Variants in IGF2BP2 observed in about 807,000 individuals in gnomAD.
IGF2BP2 encodes the protein insulin-like growth factor 2 mRNA-binding protein 2.
Under a neutral mutation model 75.8 loss-of-function variants are expected in IGF2BP2, and 17 were observed. That is an observed-to-expected ratio of 0.22 (90% confidence interval 0.15 to 0.34). The LOEUF (loss-of-function observed/expected upper bound fraction) is 0.34. Ranked by LOEUF, IGF2BP2 falls within the 10% of genes least tolerant of loss-of-function variation. The pLI is 1.00. For synonymous variants in IGF2BP2, 288 were observed against 295.6 expected (o/e 0.97, Z 0.26); for missense variants, 516 against 772.4 (o/e 0.67, Z 3.93).
intron 2 of IGF2BP2, among the ~76,000 whole-genome samples, chr3:185,802,807 A>G (rs1422769646): frequency 6.6e-6 from 1 of 152,214 alleles, no homozygotes; most frequent in Non-Finnish European, 1.5e-5. Flanking sequence ...TTTTCTCAAG[A>G]TGAGAACATC....
chr3:185,790,475 C>T (rs760050606), intron 2 of IGF2BP2, among the ~76,000 whole-genome samples: 2 of 152,188 alleles, frequency 1.3e-5, no homozygotes, highest in Non-Finnish European at 1.5e-5. Flanking sequence ...GTAAATTATA[C>T]TAATCTATGG....
At chr3:185,737,797 C>A (rs114592449) in intron 2 of IGF2BP2, among the ~76,000 whole-genome samples, 1 of 152,152 alleles carries the variant, frequency 6.6e-6, no homozygotes, top group Non-Finnish European at 1.5e-5. Flanking sequence ...ATGGTCATCC[C>A]CAGTTCTTAG....
chr3:185,820,237 C>T (rs540502131), intron 2 of IGF2BP2, among the ~76,000 whole-genome samples: 711 of 36,648 alleles, frequency 0.019, 8 homozygotes, highest in African/African-American at 0.1. Context: ...TATACACATA[C>T]ACACACACAC....
At chr3:185,735,937 TTA>T (rs1560383525) in intron 2 of IGF2BP2, among the ~76,000 whole-genome samples, 1 of 152,124 alleles carries the variant, frequency 6.6e-6, no homozygotes, top group African/African-American at 2.4e-5. Context: ...GAAGATTAGT[TTA>T]TAAACTATAT....
chr3:185,668,508 G>GATATATAT (rs755033940), intron 10 of IGF2BP2, among the ~76,000 whole-genome samples: 193 of 125,746 alleles, frequency 1.5e-3, no homozygotes, highest in African/African-American at 3.7e-3. Context: ...GAGAGAGAGA[G>GATATATAT]ATATATATAT....
chr3:185,647,580 T>C lies in IGF2BP2; in HGVS notation c.1594-442A>G, dbSNP rs890349685. Among the ~76,000 whole-genome samples, 1 of 151,942 alleles carries C rather than the reference T, an allele frequency of 6.6e-6. No homozygotes were observed. Among genetic ancestry groups the C allele is most frequent in the Non-Finnish European group, 1.5e-5 (1 of 67,988 alleles). ...GTTAACTTTCCCTGCGAATCAGCCC[T>C]GCTGTTCCCTCCTCCTCGTTTTCAC... On this transcript the variant is annotated intron_variant, in intron 14 of 15. Coordinates refer to ENST00000382199, the MANE Select transcript of IGF2BP2 (RefSeq NM_006548.6). The surrounding 1 kb of genome is among the most constrained non-coding windows in gnomAD (Gnocchi z 4.9).
intron 2 of IGF2BP2, among the ~76,000 whole-genome samples, chr3:185,778,443 T>C (rs192289004): frequency 6.6e-6 from 1 of 152,334 alleles, no homozygotes; most frequent in Non-Finnish European, 1.5e-5. Context: ...AACATTATAA[T>C]AAAGCAACAT....
chr3:185,675,473 AAAAAT>A (rs749051374), intron 8 of IGF2BP2, 42 bp from the exon 9 acceptor site: 1 of 1,584,632 alleles, frequency 6.3e-7, no homozygotes, highest in Non-Finnish European at 8.5e-7. Context: ...TTTCAACGGG[AAAAAT>A]AAAATGCCCA....
intron 2 of IGF2BP2, among the ~76,000 whole-genome samples, chr3:185,748,061 T>C (rs1263332040): frequency 6.6e-6 from 1 of 152,080 alleles, no homozygotes; most frequent in Non-Finnish European, 1.5e-5. Flanking sequence ...TTCACTGTGT[T>C]AGCCAGGATG....
At chr3:185,712,314 T>C (rs1724922962) in intron 2 of IGF2BP2, among the ~76,000 whole-genome samples, 1 of 152,224 alleles carries the variant, frequency 6.6e-6, no homozygotes, top group Non-Finnish European at 1.5e-5. Context: ...TTTTATTTAC[T>C]AGTGTCTATA....
intron 2 of IGF2BP2, among the ~76,000 whole-genome samples, chr3:185,794,465 G>A (rs192826894): frequency 2.8e-5 from 2 of 70,706 alleles, no homozygotes; most frequent in Admixed American, 1.1e-4. Flanking sequence ...ACAGCCCAAT[G>A]GGGGATCACA....
intron 2 of IGF2BP2, among the ~76,000 whole-genome samples, chr3:185,720,145 G>A (rs1726290719): frequency 6.6e-6 from 1 of 152,182 alleles, no homozygotes. Flanking sequence ...TGCCTTCCAG[G>A]AGTCTTCAGT....
intron 10 of IGF2BP2, among the ~76,000 whole-genome samples, chr3:185,671,424 C>G (rs984989915): frequency 1.3e-5 from 2 of 151,288 alleles, no homozygotes; most frequent in African/African-American, 4.9e-5. Flanking sequence ...GTAATCCCAG[C>G]TACTTGGGAT....
At chr3:185,683,184 G>A (rs1720636473) in intron 7 of IGF2BP2, among the ~76,000 whole-genome samples, 1 of 152,142 alleles carries the variant, frequency 6.6e-6, no homozygotes, top group Non-Finnish European at 1.5e-5. Flanking sequence ...AAATAAGCCA[G>A]TCACAAAAGA....
At chr3:185,730,572 T>C (rs1348464444) in intron 2 of IGF2BP2, among the ~76,000 whole-genome samples, 1 of 151,788 alleles carries the variant, frequency 6.6e-6, no homozygotes, top group Admixed American at 6.6e-5. Flanking sequence ...GTAGCTGGGA[T>C]TACAAGCATG....
chr3:185,740,871 T>C (rs990962602), intron 2 of IGF2BP2, among the ~76,000 whole-genome samples: 17 of 152,350 alleles, frequency 1.1e-4, no homozygotes, highest in African/African-American at 4.1e-4. Flanking sequence ...TTTTCTTTTT[T>C]TATTTTATTT....
intron 2 of IGF2BP2, among the ~76,000 whole-genome samples, chr3:185,768,904 G>T (rs530842490): frequency 6.6e-6 from 1 of 152,316 alleles, no homozygotes; most frequent in South Asian, 2.1e-4. Context: ...GCATGCGCCT[G>T]TAGTCCCAGC....
rs1741848987 is a variant in IGF2BP2, at chr3:185,824,984, G to C, written c.-24C>G. On this transcript the variant is annotated 5_prime_UTR_variant, in exon 1 of 16. Coordinates refer to ENST00000382199, the MANE Select transcript of IGF2BP2 (RefSeq NM_006548.6). ...ATCCGTCTCTTCCCCGAGAGCCCGC[G>C]GCTCCCCCGGCCCGGTACCCGGCGC... 2.0e-6 allele frequency: 3 copies of C among 1,469,204 alleles called. No individual in the cohort carries two copies. Among genetic ancestry groups the C allele is most frequent in the East Asian group, 5.5e-5 (2 of 36,648 alleles). 91.0% of individuals were successfully genotyped at this position (1,469,204 alleles called of 1,614,324 possible).
intron 2 of IGF2BP2, among the ~76,000 whole-genome samples, chr3:185,795,885 C>CA (rs562484561): frequency 1.4e-3 from 212 of 150,124 alleles, no homozygotes; most frequent in Middle Eastern, 3.4e-3. Context: ...GACTCTGTCT[C>CA]AAAAAAAAGA....
Sources: gnomAD v4.1 joint callset for allele counts (sites outside exome capture counted in the v4.1 genomes callset) on GRCh38, gnomAD v4.1.1 for gene constraint, Gnocchi (gnomAD v3.1) non-coding constraint, MANE v1.5 for transcripts, NCBI Gene and HGNC (gene_info 2026-07-23, HGNC 2026-07-21) for gene names.